Variants in ENOX2 observed in about 807,000 individuals in gnomAD.
The protein encoded by ENOX2 is APK1 antigen.
Under a neutral mutation model 45.0 loss-of-function variants are expected in ENOX2, and 36 were observed. The ratio of observed to expected loss-of-function variants is 0.80; its 90% CI spans 0.61 to 1.06. The LOEUF is 1.06. ENOX2 is among the 50% of genes least tolerant of loss of function. ENOX2 has a pLI of 0.00. For missense variants in ENOX2, 423 were observed against 462.5 expected (o/e 0.91, Z 0.78); for synonymous variants, 174 against 152.3 (o/e 1.14, Z -1.05).
chrX:130,799,109 G>A (rs1395001953), intron 2 of ENOX2, among the ~76,000 whole-genome samples: 1 of 111,461 alleles, frequency 9.0e-6, no homozygotes, highest in Non-Finnish European at 1.9e-5. Flanking sequence ...ACTGGGAGAG[G>A]CAGACCCACC....
intron 2 of ENOX2, among the ~76,000 whole-genome samples, chrX:130,891,638 T>C (rs943923079): frequency 4.6e-5 from 5 of 108,002 alleles, no homozygotes; most frequent in South Asian, 4.2e-4. Context: ...ATCCTCACTT[T>C]ATAGGCAAGG....
intron 2 of ENOX2, among the ~76,000 whole-genome samples, chrX:130,835,428 C>T (rs2077912448): frequency 2.7e-5 from 3 of 110,907 alleles, no homozygotes; most frequent in Admixed American, 9.6e-5. Context: ...TATACATTCA[C>T]ACCAGTATTA....
intron 3 of ENOX2, among the ~76,000 whole-genome samples, chrX:130,773,817 T>C (rs2039795577): frequency 8.9e-6 from 1 of 112,127 alleles, no homozygotes; most frequent in African/African-American, 3.2e-5. Context: ...ACACAAGCAA[T>C]TGCTCAATGT....
intron 9 of ENOX2, 106 bp from the exon 10 acceptor site, chrX:130,656,801 G>C: frequency 2.0e-6 from 1 of 492,370 alleles, no homozygotes; most frequent in Non-Finnish European, 3.5e-6. Context: ...GACATATTAG[G>C]AAAAAAATCC....
At chrX:130,811,104 C>T (rs1231266622) in intron 2 of ENOX2, among the ~76,000 whole-genome samples, 3 of 111,821 alleles carry the variant, frequency 2.7e-5, no homozygotes, top group African/African-American at 9.8e-5. Flanking sequence ...GGCTCTAGGC[C>T]AGTCCCTGTG....
intron 2 of ENOX2, among the ~76,000 whole-genome samples, chrX:130,830,612 T>C (rs1185949189): frequency 8.9e-6 from 1 of 112,314 alleles, no homozygotes; most frequent in Non-Finnish European, 1.9e-5. Flanking sequence ...TTCTTCTGCA[T>C]CATCATTTCT....
chrX:130,759,577 CA>C (rs753411112), intron 3 of ENOX2, among the ~76,000 whole-genome samples: 627 of 19,919 alleles, frequency 0.031, no homozygotes, highest in East Asian at 0.06. Context: ...GACTATGTAC[CA>C]AAAAAAAAAA....
intron 3 of ENOX2, among the ~76,000 whole-genome samples, chrX:130,762,348 G>A (rs1162690943): frequency 8.9e-6 from 1 of 112,171 alleles, no homozygotes; most frequent in African/African-American, 3.2e-5. Context: ...GCCAAGGTGG[G>A]AGGATCACTT....
intron 3 of ENOX2, among the ~76,000 whole-genome samples, chrX:130,727,136 C>T (rs1322771275): frequency 1.8e-5 from 2 of 112,298 alleles, no homozygotes; most frequent in Non-Finnish European, 3.8e-5. Flanking sequence ...ATATAGCTTC[C>T]ACTTTTTGAA....
At chrX:130,886,162 G>A (rs751573823) in intron 2 of ENOX2, among the ~76,000 whole-genome samples, 54 of 112,619 alleles carry the variant, frequency 4.8e-4, no homozygotes, top group Non-Finnish European at 1.9e-4. Context: ...GCTCTTCAAC[G>A]TAACCTTGAA....
At chrX:130,683,971 A>G (rs1464526999) in intron 5 of ENOX2, among the ~76,000 whole-genome samples, 4 of 111,744 alleles carry the variant, frequency 3.6e-5, no homozygotes, top group East Asian at 2.8e-4. Flanking sequence ...AGAAGTTAAG[A>G]TCCTTATCAG....
At position 130,632,262 on chromosome X, in the gene ENOX2, T is replaced by A. The variant is rs754567860; in HGVS notation, c.1420-686A>T. ...ATGAGGACATTATCAGTTAGAATAT[T>A]CCTGACTTTACAGCAAGAAATGACC... On this transcript the variant is annotated intron_variant, in intron 12 of 14. Coordinates refer to ENST00000394363, the MANE Select transcript of ENOX2 (RefSeq NM_006375.4). Among the ~76,000 whole-genome samples, 8 of 107,880 alleles carry A rather than the reference T, an allele frequency of 7.4e-5. No individual in the cohort carries two copies. In the East Asian group the frequency reaches 2.0e-3, roughly 28 times the overall value. The allele number at this position is 107,880 out of a possible 115,157, so 93.7% of individuals were successfully genotyped here. A position where few individuals can be genotyped will look rare whatever the true frequency, so the allele number is the denominator to read the frequency against.
intron 5 of ENOX2, among the ~76,000 whole-genome samples, chrX:130,682,002 A>G (rs1341921101): frequency 1.9e-5 from 2 of 105,612 alleles, no homozygotes; most frequent in Non-Finnish European, 3.9e-5. Context: ...TATGGCTTTG[A>G]CCATGGAACA....
intron 2 of ENOX2, among the ~76,000 whole-genome samples, chrX:130,815,780 C>CCA (rs982516880): frequency 2.7e-5 from 3 of 111,955 alleles, no homozygotes; most frequent in African/African-American, 9.7e-5. Flanking sequence ...CAGGTACCAG[C>CCA]CACTGCAAAA....
At chrX:130,866,795 T>C (rs1253642978) in intron 2 of ENOX2, among the ~76,000 whole-genome samples, 3 of 111,333 alleles carry the variant, frequency 2.7e-5, no homozygotes, top group Non-Finnish European at 5.7e-5. Context: ...GTCTCAGCTT[T>C]CTTATATTTA....
intron 3 of ENOX2, among the ~76,000 whole-genome samples, chrX:130,704,118 C>T (rs754590211): frequency 8.9e-6 from 1 of 111,980 alleles, no homozygotes; most frequent in Non-Finnish European, 1.9e-5. Context: ...CAAGGTCATA[C>T]AGAATGTATA....
chrX:130,823,968 T>C (rs931460032), intron 2 of ENOX2, among the ~76,000 whole-genome samples: 2 of 112,049 alleles, frequency 1.8e-5, no homozygotes, highest in African/African-American at 3.2e-5. Context: ...TTGAAATCAT[T>C]AGAATACATT....
intron 2 of ENOX2, among the ~76,000 whole-genome samples, chrX:130,798,326 AAC>A (rs2077167154): frequency 8.9e-6 from 1 of 112,829 alleles, no homozygotes; most frequent in Non-Finnish European, 1.9e-5. Context: ...AGAATTGAGA[AAC>A]ACAGTTCTAA....
chrX:130,821,791 C>T lies in ENOX2; in HGVS notation c.-182-38101G>A, dbSNP rs752383422. 1.8e-4 allele frequency among the ~76,000 whole-genome samples: 16 copies of T among 90,034 alleles called. No individual in the cohort carries two copies. The South Asian group carries it at 8.6e-3, about 48-fold the overall frequency. 78.2% of individuals were successfully genotyped at this position (90,034 alleles called of 115,157 possible). ...AAAAGAATAAGTAGGGCAGGCCAGG[C>T]GCAGTGGCTACTGCAGGTAATCCCA... On this transcript the variant is annotated intron_variant, in intron 2 of 14. Transcript: ENST00000394363.
Sources: gnomAD v4.1 joint callset for allele counts (sites outside exome capture counted in the v4.1 genomes callset) on GRCh38, gnomAD v4.1.1 for gene constraint, MANE v1.5 for transcripts, NCBI Gene and HGNC (gene_info 2026-07-23, HGNC 2026-07-21) for gene names.